Variants in CTNNA2 observed in about 807,000 individuals in gnomAD.
CTNNA2 encodes catenin alpha 2.
CTNNA2 carries 42 observed loss-of-function variants against 101.0 expected under a neutral mutation model. The ratio of observed to expected loss-of-function variants is 0.42; its 90% CI spans 0.32 to 0.54. The LOEUF (loss-of-function observed/expected upper bound fraction) is 0.54, where lower values mean the gene tolerates loss of function less well. CTNNA2 is among the 20% of genes least tolerant of loss of function. CTNNA2 has a pLI of 0.14. For missense variants in CTNNA2, 871 were observed against 1,223.1 expected (o/e 0.71, Z 4.29); for synonymous variants, 450 against 456.4 (o/e 0.99, Z 0.18).
intron 1 of CTNNA2, among the ~76,000 whole-genome samples, chr2:79,552,344 C>G (rs1395592008): frequency 6.6e-6 from 1 of 152,118 alleles, no homozygotes; most frequent in African/African-American, 2.4e-5. Context: ...GGGTGGGCTC[C>G]CAAGGCACTG....
intron 7 of CTNNA2, among the ~76,000 whole-genome samples, chr2:80,213,636 G>A (rs1321417070): frequency 2.0e-5 from 3 of 152,042 alleles, no homozygotes; most frequent in Non-Finnish European, 4.4e-5. Context: ...ACTTCCAACT[G>A]TGTGGTCAAT....
intron 9 of CTNNA2, among the ~76,000 whole-genome samples, chr2:80,540,921 C>A (rs1691498158): frequency 6.6e-6 from 1 of 152,168 alleles, no homozygotes; most frequent in African/African-American, 2.4e-5. Context: ...GTCTTCAACT[C>A]CTGGCTTATT....
chr2:80,577,659 A>G (rs376109956), intron 13 of CTNNA2, among the ~76,000 whole-genome samples: 3 of 129,368 alleles, frequency 2.3e-5, no homozygotes, highest in African/African-American at 9.9e-5. Context: ...CTGGTCGCCA[A>G]TCACTCCTGA....
intron 8 of CTNNA2, among the ~76,000 whole-genome samples, chr2:80,416,556 T>C (rs1047666468): frequency 1.3e-5 from 2 of 152,072 alleles, no homozygotes; most frequent in African/African-American, 4.8e-5. Context: ...GCAATAATAT[T>C]GGAATAATAA....
Position 80,263,613 on chromosome 2 carries a change from G to A in CTNNA2, c.1057-129598G>A, listed in dbSNP as rs143288996. 3.9e-3 allele frequency among the ~76,000 whole-genome samples: 587 copies of A among 152,322 alleles called. 3 individuals are homozygous for A. Among genetic ancestry groups the A allele is most frequent in the African/African-American group, 0.013 (555 of 41,588 alleles). Reference sequence around the variant, plus strand: ...GGCCTCCCAAAGTGCAGGGATTACAGGCGTGAGCCACTGCACCCGGCCATG... The same window carrying A: ...GGCCTCCCAAAGTGCAGGGATTACAAGCGTGAGCCACTGCACCCGGCCATG... On this transcript the variant is annotated intron_variant, in intron 7 of 18. Transcript: ENST00000402739.
intron 7 of CTNNA2, among the ~76,000 whole-genome samples, chr2:80,308,283 G>A (rs894708697): frequency 4.6e-5 from 7 of 152,198 alleles, no homozygotes; most frequent in African/African-American, 1.4e-4. Flanking sequence ...GCATTCTGGG[G>A]ATTGGCTTTC....
intron 7 of CTNNA2, among the ~76,000 whole-genome samples, chr2:80,202,681 T>C (rs959056292): frequency 6.7e-6 from 1 of 150,268 alleles, no homozygotes; most frequent in South Asian, 2.1e-4. Context: ...CAACTAATAA[T>C]CAAACCAGCC....
At chr2:79,535,798 G>A (rs1252693552) in intron 1 of CTNNA2, among the ~76,000 whole-genome samples, 1 of 152,116 alleles carries the variant, frequency 6.6e-6, no homozygotes, top group African/African-American at 2.4e-5. Flanking sequence ...GATAACAGCA[G>A]GGAGATAGTT....
intron 10 of CTNNA2, among the ~76,000 whole-genome samples, chr2:80,545,643 A>G (rs202185624): frequency 6.6e-6 from 1 of 152,214 alleles, no homozygotes; most frequent in East Asian, 1.9e-4. Flanking sequence ...TTTCTGCTGT[A>G]TCTGTGCTAA....
intron 7 of CTNNA2, among the ~76,000 whole-genome samples, chr2:80,234,301 G>A (rs1393629609): frequency 2.0e-5 from 3 of 152,080 alleles, no homozygotes; most frequent in African/African-American, 7.2e-5. Context: ...CAAACTACAG[G>A]GATTACAGGT....
intron 2 of CTNNA2, among the ~76,000 whole-genome samples, chr2:79,260,483 G>A (rs958072813): frequency 1.3e-5 from 2 of 152,146 alleles, no homozygotes; most frequent in African/African-American, 4.8e-5. Flanking sequence ...ACTTGGGTTT[G>A]CTGAACTGAG....
In CTNNA2 at chr2:79,421,893, G is replaced by C. The variant is rs555420526; in HGVS notation, c.-135+47880G>C. ...GCCAGTACTCTAGCAATCAGATTGGGTATAGGAAGTATAGAGCCCATAAGA... is the reference window on the plus strand; with the variant it reads ...GCCAGTACTCTAGCAATCAGATTGGCTATAGGAAGTATAGAGCCCATAAGA... On this transcript the variant is annotated intron_variant, in intron 4 of 21. Transcript: ENST00000466387. 1.1e-4 allele frequency among the ~76,000 whole-genome samples: 16 copies of C among 152,266 alleles called. No individual in the cohort carries two copies. The South Asian group carries it at 2.9e-3, about 28-fold the overall frequency.
intron 7 of CTNNA2, among the ~76,000 whole-genome samples, chr2:80,083,650 T>A (rs1165821566): frequency 6.6e-6 from 1 of 152,184 alleles, no homozygotes; most frequent in East Asian, 1.9e-4. Flanking sequence ...GAGAACTTTG[T>A]CAGAGTCACC....
At chr2:80,003,958 C>T (rs1693145448) in intron 7 of CTNNA2, among the ~76,000 whole-genome samples, 2 of 152,130 alleles carry the variant, frequency 1.3e-5, no homozygotes, top group South Asian at 4.1e-4. Context: ...CCTGTCATCT[C>T]CCAGAATCCA....
At chr2:80,418,298 G>A (rs1680213717) in intron 8 of CTNNA2, among the ~76,000 whole-genome samples, 2 of 152,090 alleles carry the variant, frequency 1.3e-5, no homozygotes. Flanking sequence ...GTGTGTAATA[G>A]GAATGAAATG....
At chr2:79,485,417 T>C (rs1276727664) in intron 4 of CTNNA2, among the ~76,000 whole-genome samples, 1 of 152,202 alleles carries the variant, frequency 6.6e-6, no homozygotes, top group African/African-American at 2.4e-5. Flanking sequence ...TAAATTAATG[T>C]ACAATGTGTA....
In CTNNA2 at chr2:80,263,829, C is replaced by T. The variant is rs181231788; in HGVS notation, c.1057-129382C>T. 2.6e-4 allele frequency among the ~76,000 whole-genome samples: 40 copies of T among 152,284 alleles called. No homozygotes were observed. The East Asian group carries it at 7.5e-3, about 29-fold the overall frequency. On this transcript the variant is annotated intron_variant, in intron 7 of 18. Transcript: ENST00000402739. ...ACACTTGAATATTGGTTCCACTGTT[C>T]CACTGAAACATTTTTTACAGCCACT...
intron 1 of CTNNA2, among the ~76,000 whole-genome samples, chr2:79,531,537 C>T (rs1408338222): frequency 6.6e-6 from 1 of 151,946 alleles, no homozygotes; most frequent in Non-Finnish European, 1.5e-5. Context: ...TTGTTTTATG[C>T]CTGCAATAAT....
chr2:79,333,800 A>G (rs1183962555), intron 3 of CTNNA2, among the ~76,000 whole-genome samples: 2 of 152,186 alleles, frequency 1.3e-5, no homozygotes, highest in Non-Finnish European at 1.5e-5. Flanking sequence ...TCTCTCAATT[A>G]CAATATAAAA....
Sources: gnomAD v4.1 joint callset for allele counts (sites outside exome capture counted in the v4.1 genomes callset) on GRCh38, gnomAD v4.1.1 for gene constraint, MANE v1.5 for transcripts, NCBI Gene and HGNC (gene_info 2026-07-23, HGNC 2026-07-21) for gene names.